ANK2: variants seen among roughly 807,000 people sequenced by gnomAD.
ANK2 encodes ankyrin 2, also known as ankyrin-2.
A neutral mutation model predicts 360.5 loss-of-function variants in ANK2; 83 were observed. That is an observed-to-expected ratio of 0.23 (90% CI 0.19 to 0.28). ANK2 has a LOEUF of 0.28. ANK2 is among the 10% of genes least tolerant of loss of function. The pLI is 1.00. For missense variants in ANK2, 4,201 were observed against 4,795.7 expected (o/e 0.88, Z 3.66); for synonymous variants, 1,740 against 1,759.5 (o/e 0.99, Z 0.28).
At chr4:113,126,288 A>G (rs1450089435) in intron 1 of ANK2, among the ~76,000 whole-genome samples, 1 of 152,240 alleles carries the variant, frequency 6.6e-6, no homozygotes, top group Non-Finnish European at 1.5e-5. Context: ...AATAAACAAA[A>G]GTCCACAGTA....
chr4:112,775,185 A>G, the ANK2 span, among the ~76,000 whole-genome samples: 1 of 152,190 alleles, frequency 6.6e-6, no homozygotes, highest in Non-Finnish European at 1.5e-5. Context: ...CTTGGTGACC[A>G]GAGGGGCTGG....
chr4:113,039,339 A>T (rs960374101), intron 2 of ANK2, among the ~76,000 whole-genome samples: 4 of 152,014 alleles, frequency 2.6e-5, no homozygotes, highest in African/African-American at 9.7e-5. Flanking sequence ...AAACAGGCTC[A>T]TCTCCAAGTT....
chr4:112,712,113 C>T, the ANK2 span, among the ~76,000 whole-genome samples: 1 of 149,566 alleles, frequency 6.7e-6, no homozygotes. Context: ...GACAGAGTCT[C>T]ACTTCGTCCT....
In ANK2 at chr4:113,370,791, A is replaced by G. The variant is rs2096710908; in HGVS notation, c.11610+986A>G. ...AAAAAAAGAAATTGATCAACAATTT[A>G]TTCTCAAAATGTGGTCTATATAGTT... On this transcript the variant is annotated intron_variant, in intron 43 of 45. Coordinates refer to ENST00000357077, the MANE Select transcript of ANK2 (RefSeq NM_001148.6). Among the ~76,000 whole-genome samples, 3 of 152,168 alleles carry G rather than the reference A, an allele frequency of 2.0e-5. No homozygotes were observed. The South Asian group carries it at 6.2e-4, about 32-fold the overall frequency.
intron 4 of ANK2, among the ~76,000 whole-genome samples, chr4:113,204,209 A>T (rs2098906834): frequency 6.6e-6 from 1 of 152,148 alleles, no homozygotes; most frequent in Admixed American, 6.5e-5. Flanking sequence ...AAATTGTCTT[A>T]AAAATGTTTT....
intron 32 of ANK2, among the ~76,000 whole-genome samples, chr4:113,340,850 A>G (rs2094201883): frequency 6.7e-6 from 1 of 148,716 alleles, no homozygotes; most frequent in Admixed American, 6.7e-5. Context: ...CAACGTCTCA[A>G]AAAAAAAAAA....
In ANK2 at chr4:113,381,443, C is replaced by T; in HGVS notation, c.11860-14C>T. ...TGAAAAGAGCGTAATTCTCTCTTGT[C>T]TGCTTTTCTCCAGGACAACAATGAG... is the stretch of plus-strand genomic sequence containing the variant. On this transcript the variant is annotated splice_polypyrimidine_tract_variant and intron_variant, in intron 45 of 45. Transcript: ENST00000357077. The T allele has an allele frequency of 6.2e-7, 1 of 1,614,128 alleles. No homozygotes were observed. The highest frequency in any genetic ancestry group is 8.5e-7 in the Non-Finnish European group (1 of 1,179,994).
intron 23 of ANK2, among the ~76,000 whole-genome samples, chr4:113,309,518 GTTTGTTTTTTGTTTT>G (rs1272005761): frequency 6.6e-6 from 1 of 152,002 alleles, no homozygotes; most frequent in Non-Finnish European, 1.5e-5. Flanking sequence ...TTGTTTGCTT[GTTTGTTTTTTGTTTT>G]TTTGAGACAG....
rs2153959778 is a variant in ANK2 at position 113,336,058 on chromosome 4, G to A, written c.3591+1G>A. ...CAAGCGGATCCGCGTAGGCCTGCAG[G>A]TATGCCCATGTTAGATGCAAATGAT... On this transcript the variant is annotated splice_donor_variant, in intron 30 of 45. Coordinates refer to ENST00000357077, the MANE Select transcript of ANK2 (RefSeq NM_001148.6). LOFTEE classifies it high-confidence loss of function. The A allele has an allele frequency of 6.2e-7, 1 of 1,613,502 alleles. No homozygotes were observed.
At chr4:112,985,817 C>T (rs917396510) in intron 2 of ANK2, among the ~76,000 whole-genome samples, 1 of 151,744 alleles carries the variant, frequency 6.6e-6, no homozygotes, top group African/African-American at 2.4e-5. Flanking sequence ...TGGCAATGGA[C>T]TTTGGGGACT....
intron 23 of ANK2, among the ~76,000 whole-genome samples, chr4:113,304,020 T>A (rs975530424): frequency 6.6e-6 from 1 of 152,206 alleles, no homozygotes; most frequent in Non-Finnish European, 1.5e-5. Flanking sequence ...TTTATAAAAA[T>A]TTATGACAAG....
chr4:113,265,621 CT>C (rs760661926), intron 14 of ANK2, among the ~76,000 whole-genome samples: 6 of 152,116 alleles, frequency 3.9e-5, no homozygotes, highest in Non-Finnish European at 5.9e-5. Flanking sequence ...TCACAAGTTT[CT>C]TTTTCCTTCT....
chr4:113,023,305 A>G (rs1204576265), intron 2 of ANK2, among the ~76,000 whole-genome samples: 19 of 152,096 alleles, frequency 1.2e-4, no homozygotes, highest in African/African-American at 7.2e-5. Context: ...CTTCCCACCA[A>G]TGATCTAACC....
intron 34 of ANK2, among the ~76,000 whole-genome samples, chr4:113,344,441 G>A (rs2094604008): frequency 6.6e-6 from 1 of 152,152 alleles, no homozygotes; most frequent in Non-Finnish European, 1.5e-5. Context: ...ATGCATTGCT[G>A]GTGGAAATGC....
At chr4:113,041,771 G>A (rs1459114212) in intron 2 of ANK2, among the ~76,000 whole-genome samples, 1 of 152,126 alleles carries the variant, frequency 6.6e-6, no homozygotes, top group African/African-American at 2.4e-5. Flanking sequence ...GGACTGGAAT[G>A]TTCAAGGTCA....
the ANK2 span, among the ~76,000 whole-genome samples, chr4:112,766,334 T>A: frequency 7.3e-5 from 11 of 150,012 alleles, no homozygotes; most frequent in East Asian, 2.0e-4. Context: ...AAAAAAAAAA[T>A]TTGTTGCATA....
chr4:112,708,571 A>G, the ANK2 span, among the ~76,000 whole-genome samples: 1 of 152,192 alleles, frequency 6.6e-6, no homozygotes, highest in Non-Finnish European at 1.5e-5. Flanking sequence ...TTCAACAGAC[A>G]TTTACTCAGC....
chr4:113,225,731 CA>C (rs1167641227), intron 4 of ANK2, among the ~76,000 whole-genome samples: 1 of 151,988 alleles, frequency 6.6e-6, no homozygotes, highest in African/African-American at 2.4e-5. Flanking sequence ...AAAGATTTTC[CA>C]AAAGCTTCAT....
intron 1 of ANK2, among the ~76,000 whole-genome samples, chr4:112,835,887 A>T (rs750233135): frequency 5.0e-4 from 76 of 152,246 alleles, no homozygotes; most frequent in Middle Eastern, 6.8e-3. Context: ...ATTTTTCCCC[A>T]ATCTTAGTAG....
Sources: gnomAD v4.1 joint callset for allele counts (sites outside exome capture counted in the v4.1 genomes callset) on GRCh38, gnomAD v4.1.1 for gene constraint, MANE v1.5 for transcripts, NCBI Gene and HGNC (gene_info 2026-07-23, HGNC 2026-07-21) for gene names.